CSMD1: variants seen among roughly 807,000 people sequenced by gnomAD.
CSMD1 encodes the protein CUB and Sushi multiple domains 1, also known as CUB and sushi domain-containing protein 1.
A neutral mutation model predicts 417.5 loss-of-function variants in CSMD1; 213 were observed. The observed-to-expected ratio is 0.51, with a 90% CI of 0.46 to 0.57. CSMD1 has a LOEUF of 0.57. CSMD1 is among the 20% of genes least tolerant of loss of function. CSMD1 has a pLI of 0.00. For missense variants in CSMD1, 6,923 were observed against 4,529.7 expected, an observed-to-expected ratio of 1.53 and a Z score of -15.17; for synonymous variants, 2,862 against 1,736.8, an observed-to-expected ratio of 1.65 and a Z score of -16.11.
chr8:3,448,059 G>C (rs1484534668), intron 12 of CSMD1, among the ~76,000 whole-genome samples: 5 of 151,826 alleles, frequency 3.3e-5, no homozygotes, highest in African/African-American at 4.8e-5. Flanking sequence ...TCATACACAG[G>C]ATTTCTAATA....
At chr8:4,291,179 A>T (rs962229784) in intron 3 of CSMD1, among the ~76,000 whole-genome samples, 1 of 152,158 alleles carries the variant, frequency 6.6e-6, no homozygotes, top group Non-Finnish European at 1.5e-5. Flanking sequence ...TTAGTGTTGC[A>T]TAATTATACA....
At chr8:4,059,748 A>C (rs1737401570) in intron 3 of CSMD1, among the ~76,000 whole-genome samples, 1 of 152,104 alleles carries the variant, frequency 6.6e-6, no homozygotes, top group South Asian at 2.1e-4. Context: ...ACCAGGAAGA[A>C]GTTGAATCTC....
At chr8:3,573,167 T>C (rs925741334) in intron 10 of CSMD1, among the ~76,000 whole-genome samples, 3 of 152,216 alleles carry the variant, frequency 2.0e-5, no homozygotes, top group Non-Finnish European at 2.9e-5. Context: ...GATAATGATA[T>C]TACATTTACT....
rs200732268 is a variant in CSMD1 at position 3,586,167 on chromosome 8, A to T, written c.1191T>A (p.Ala397=). The change falls in exon 9 of 70, where the codon GCT becomes GCA. Residue 397 remains alanine, a synonymous_variant. Transcript: ENST00000635120. ...AGATGGGCCTGTGGTCACTCCAAGC[A>T]GCGAGCGTCTCTGTAACTCTCTGAC... The part of the protein sequence containing the change: ...ITCQRVTETL[A]AWSDHRPICR... 1.2e-6 allele frequency: 2 copies of T among 1,613,014 alleles called. No individual in the cohort carries two copies. The highest frequency in any genetic ancestry group is 1.7e-6 in the Non-Finnish European group (2 of 1,179,490).
At chr8:4,680,336 G>A (rs560739747) in intron 1 of CSMD1, among the ~76,000 whole-genome samples, 2 of 152,146 alleles carry the variant, frequency 1.3e-5, no homozygotes, top group African/African-American at 4.8e-5. Flanking sequence ...AAAGCACCGG[G>A]TCACTTAATT....
intron 3 of CSMD1, among the ~76,000 whole-genome samples, chr8:4,084,963 G>T (rs956614299): frequency 6.6e-6 from 1 of 152,178 alleles, no homozygotes; most frequent in Admixed American, 6.5e-5. Context: ...GCAGAAAGAA[G>T]GAGATGGCCA....
At chr8:3,042,282 C>A (rs572458370) in intron 50 of CSMD1, among the ~76,000 whole-genome samples, 1 of 152,196 alleles carries the variant, frequency 6.6e-6, no homozygotes, top group South Asian at 2.1e-4. Flanking sequence ...GAGACTCGTG[C>A]ATCTCCTTAG....
At chr8:4,159,361 G>T (rs967139201) in intron 3 of CSMD1, among the ~76,000 whole-genome samples, 1 of 152,130 alleles carries the variant, frequency 6.6e-6, no homozygotes, top group Admixed American at 6.5e-5. Context: ...TTTTATTTGT[G>T]ATTCAGTAAT....
intron 3 of CSMD1, among the ~76,000 whole-genome samples, chr8:4,283,413 A>T (rs927461046): frequency 6.6e-6 from 1 of 152,190 alleles, no homozygotes; most frequent in Non-Finnish European, 1.5e-5. Context: ...CTAAGAACAC[A>T]TTCTTTTCAT....
At chr8:3,625,688 C>T (rs970132763) in intron 7 of CSMD1, among the ~76,000 whole-genome samples, 4 of 152,104 alleles carry the variant, frequency 2.6e-5, no homozygotes, top group Admixed American at 6.5e-5. Flanking sequence ...AAAAATAAAA[C>T]GATTTGGCAT....
At chr8:3,452,615 A>G (rs1208461133) in intron 12 of CSMD1, among the ~76,000 whole-genome samples, 1 of 152,224 alleles carries the variant, frequency 6.6e-6, no homozygotes, top group African/African-American at 2.4e-5. Context: ...ATGCTGGATT[A>G]TGTTAATTGA....
intron 3 of CSMD1, among the ~76,000 whole-genome samples, chr8:4,232,388 G>A (rs10104908): frequency 0.42 from 63,965 of 151,678 alleles, 15,332 homozygotes; most frequent in Non-Finnish European, 0.55. Context: ...TAGTAGAGAC[G>A]GGGTTTCCCC....
At chr8:3,526,406 T>G (rs1424012963) in intron 10 of CSMD1, among the ~76,000 whole-genome samples, 3 of 152,148 alleles carry the variant, frequency 2.0e-5, no homozygotes, top group African/African-American at 7.2e-5. Flanking sequence ...TATATTTAAA[T>G]TTTTAAGTGG....
chr8:3,951,146 T>C (rs747349356), intron 5 of CSMD1, among the ~76,000 whole-genome samples: 9 of 152,188 alleles, frequency 5.9e-5, no homozygotes, highest in Non-Finnish European at 8.8e-5. Context: ...AAGTTGTTTG[T>C]TTTACAAAGA....
intron 2 of CSMD1, among the ~76,000 whole-genome samples, chr8:4,527,177 T>C (rs1796556660): frequency 6.6e-6 from 1 of 152,192 alleles, no homozygotes; most frequent in Non-Finnish European, 1.5e-5. Flanking sequence ...CATATAATTC[T>C]TCCTAGATGC....
intron 7 of CSMD1, among the ~76,000 whole-genome samples, chr8:3,657,864 T>C (rs1343764842): frequency 1.3e-5 from 2 of 152,304 alleles, no homozygotes; most frequent in East Asian, 3.9e-4. Context: ...AGAGAAACTA[T>C]AAACAAAAAT....
At chr8:3,796,319 C>A (rs111215955) in intron 5 of CSMD1, among the ~76,000 whole-genome samples, 2 of 77,948 alleles carry the variant, frequency 2.6e-5, no homozygotes, top group African/African-American at 4.3e-5. Flanking sequence ...ATATAGATAT[C>A]TATCATGTAT....
At chr8:3,113,542 A>G (rs949435635) in intron 42 of CSMD1, among the ~76,000 whole-genome samples, 1 of 152,222 alleles carries the variant, frequency 6.6e-6, no homozygotes, top group Non-Finnish European at 1.5e-5. Flanking sequence ...GGTGATGTCT[A>G]ACTTGAATGT....
At chr8:3,873,102 G>T (rs1805590806) in intron 5 of CSMD1, among the ~76,000 whole-genome samples, 1 of 152,116 alleles carries the variant, frequency 6.6e-6, no homozygotes, top group Non-Finnish European at 1.5e-5. Context: ...TACACTCTTG[G>T]TGGGAGTGTA....
Sources: gnomAD v4.1 joint callset for allele counts (sites outside exome capture counted in the v4.1 genomes callset) on GRCh38, gnomAD v4.1.1 for gene constraint, MANE v1.5 for transcripts, NCBI Gene and HGNC (gene_info 2026-07-23, HGNC 2026-07-21) for gene names.